PTPRK: variants seen among roughly 807,000 people sequenced by gnomAD.
The protein encoded by PTPRK is protein tyrosine phosphatase receptor type K, also known as receptor-type tyrosine-protein phosphatase kappa.
Under a neutral mutation model 178.0 loss-of-function variants are expected in PTPRK, and 75 were observed. The observed-to-expected ratio is 0.42, with a 90% CI of 0.35 to 0.51. The LOEUF (loss-of-function observed/expected upper bound fraction) is 0.51, where lower values mean the gene tolerates loss of function less well. Among genes scored for constraint, PTPRK ranks in the 20% least tolerant of loss-of-function variants. The pLI is 0.02. For missense variants in PTPRK, 1,441 were observed against 1,797.8 expected (o/e 0.80, Z 3.59); for synonymous variants, 637 against 620.6 (o/e 1.03, Z -0.39).
chr6:128,138,235 A>C (rs1795288349), intron 7 of PTPRK, among the ~76,000 whole-genome samples: 1 of 152,282 alleles, frequency 6.6e-6, no homozygotes, highest in Admixed American at 6.5e-5. Flanking sequence ...TGGTCAGAAT[A>C]ATTTCATCAT....
chr6:128,061,197 T>C (rs142210131), intron 13 of PTPRK, among the ~76,000 whole-genome samples: 10 of 152,206 alleles, frequency 6.6e-5, no homozygotes, highest in African/African-American at 2.4e-5. Context: ...CCATACAAAA[T>C]ACAACTTTTT....
chr6:128,084,343 T>TA (rs1785370553), intron 8 of PTPRK, among the ~76,000 whole-genome samples: 2 of 152,164 alleles, frequency 1.3e-5, no homozygotes, highest in Admixed American at 1.3e-4. Context: ...TAGCCAACCT[T>TA]ACTTTTATAG....
chr6:128,272,599 C>A (rs574047244), intron 3 of PTPRK, among the ~76,000 whole-genome samples: 1 of 152,248 alleles, frequency 6.6e-6, no homozygotes, highest in East Asian at 1.9e-4. Context: ...CCAACAGACA[C>A]GTGAAAAAAT....
chr6:128,176,784 G>A (rs910901090), intron 7 of PTPRK, among the ~76,000 whole-genome samples: 1 of 151,694 alleles, frequency 6.6e-6, no homozygotes, highest in Non-Finnish European at 1.5e-5. Context: ...GAGATCCTAA[G>A]CTGATGATTC....
intron 2 of PTPRK, among the ~76,000 whole-genome samples, chr6:128,395,244 CCT>C (rs1840141143): frequency 6.6e-6 from 1 of 152,158 alleles, no homozygotes; most frequent in Non-Finnish European, 1.5e-5. Context: ...CTTTCTCTCA[CCT>C]CTCTGAAGAC....
At chr6:128,190,502 T>A (rs1011599525) in intron 6 of PTPRK, among the ~76,000 whole-genome samples, 3,145 of 134,586 alleles carry the variant, frequency 0.023, 202 homozygotes, top group African/African-American at 0.054. Flanking sequence ...TTTTTTTTTT[T>A]TTTTTTTTTT....
chr6:128,141,400 T>A (rs1795749392), intron 7 of PTPRK, among the ~76,000 whole-genome samples: 1 of 151,808 alleles, frequency 6.6e-6, no homozygotes, highest in Non-Finnish European at 1.5e-5. Flanking sequence ...ATCTTTACCT[T>A]CATAAAAGTT....
intron 7 of PTPRK, among the ~76,000 whole-genome samples, chr6:128,128,546 A>C (rs552261697): frequency 2.6e-5 from 4 of 152,338 alleles, no homozygotes; most frequent in Admixed American, 1.3e-4. Context: ...TTGAGAGCAA[A>C]ATCTGCACAA....
At chr6:128,208,748 C>T (rs937115221) in intron 6 of PTPRK, among the ~76,000 whole-genome samples, 1 of 152,234 alleles carries the variant, frequency 6.6e-6, no homozygotes, top group Non-Finnish European at 1.5e-5. Context: ...TTTCTATGCA[C>T]TAAGCACCTA....
At chr6:128,122,664 GC>G (rs1250553100) in intron 7 of PTPRK, among the ~76,000 whole-genome samples, 1 of 152,094 alleles carries the variant, frequency 6.6e-6, no homozygotes, top group African/African-American at 2.4e-5. Flanking sequence ...ATGACTTTAG[GC>G]AAGTTTCTTC....
Position 128,089,995 on chromosome 6 carries a change from G to GA in PTPRK, c.1163-4dup, listed in dbSNP as rs1291275707. 3.1e-6 allele frequency: 5 copies of GA among 1,588,846 alleles called. No homozygotes were observed. Among genetic ancestry groups the GA allele is most frequent in the Middle Eastern group, 1.7e-4 (1 of 6,036 alleles). On this transcript the variant is annotated splice_region_variant and splice_polypyrimidine_tract_variant and intron_variant, in intron 7 of 29. Transcript: ENST00000368226. ...TGTCTTTGGGGTTCTCATAGGTTCT[G>GA]AAAAATAAATCAGAGTTGTAGACAG...
At chr6:128,061,702 C>CT (rs1780856597) in intron 13 of PTPRK, among the ~76,000 whole-genome samples, 1 of 152,084 alleles carries the variant, frequency 6.6e-6, no homozygotes, top group Non-Finnish European at 1.5e-5. Flanking sequence ...CTGAAAGTGG[C>CT]TTATGTACTG....
intron 7 of PTPRK, among the ~76,000 whole-genome samples, chr6:128,093,658 A>T (rs28409528): frequency 6.6e-6 from 1 of 151,136 alleles, no homozygotes; most frequent in Non-Finnish European, 1.5e-5. Flanking sequence ...AACAAAAAAC[A>T]AAAAAGGAAA....
rs778798001 is a variant in PTPRK at position 128,076,704 on chromosome 6, T to G, written c.1883+2109A>C. Among the ~76,000 whole-genome samples the G allele has an allele frequency of 2.6e-5, 4 of 152,056 alleles. No homozygotes were observed. In the East Asian group the frequency reaches 7.7e-4, roughly 29 times the overall value. Reference sequence around the variant, plus strand: ...AAAATCTTGCCAACAAATACAAAGATGAGTGTTTCTAATTGGTCTTTAGAA... The same window carrying G: ...AAAATCTTGCCAACAAATACAAAGAGGAGTGTTTCTAATTGGTCTTTAGAA... On this transcript the variant is annotated intron_variant, in intron 11 of 29. Coordinates refer to ENST00000368226, the MANE Select transcript of PTPRK (RefSeq NM_002844.4).
In PTPRK at chr6:127,996,921, C is replaced by T. The variant is rs746002316; in HGVS notation, c.2747G>A (p.Arg916Gln). ...CTTACATGCTATAATGTTTCCATAT[C>T]GGTTTTTTGCTCTATTTTGATCTTT... ...AKKDQNRAKN[R>Q]YGNIIAYDHS... The change falls in exon 17 of 30, where the codon CGA becomes CAA. Residue 916 changes from arginine to glutamine, a missense_variant. Arg to Gln is a conservative substitution (Grantham distance 43, BLOSUM62 1). Around this residue, in one of 4 missense-constraint regions of PTPRK, gnomAD observed 945 missense variants for 1,080.6 expected, o/e 0.87. Transcript: ENST00000368226. 5.6e-6 allele frequency: 9 copies of T among 1,610,848 alleles called. No individual in the cohort carries two copies. Among genetic ancestry groups the T allele is most frequent in the Non-Finnish European group, 7.6e-6 (9 of 1,178,350 alleles).
intron 7 of PTPRK, among the ~76,000 whole-genome samples, chr6:128,153,872 C>T (rs549196297): frequency 2.0e-5 from 3 of 151,958 alleles, no homozygotes; most frequent in African/African-American, 7.2e-5. Context: ...GCTAAAAAGG[C>T]TTTTATACTA....
chr6:128,195,565 G>A (rs969328066), intron 6 of PTPRK, among the ~76,000 whole-genome samples: 4 of 151,988 alleles, frequency 2.6e-5, no homozygotes, highest in Non-Finnish European at 5.9e-5. Flanking sequence ...ACAGAGTCAC[G>A]ATGACTTGTC....
At chr6:128,146,887 A>G (rs1796580614) in intron 7 of PTPRK, among the ~76,000 whole-genome samples, 1 of 152,184 alleles carries the variant, frequency 6.6e-6, no homozygotes, top group African/African-American at 2.4e-5. Flanking sequence ...ATACTCAACA[A>G]TTTCACATCT....
intron 3 of PTPRK, among the ~76,000 whole-genome samples, chr6:128,250,517 C>G (rs941117336): frequency 1.3e-5 from 2 of 152,152 alleles, no homozygotes; most frequent in African/African-American, 4.8e-5. Context: ...AGTGGATTAA[C>G]TGTTTTACCT....
Sources: allele counts gnomAD v4.1 joint callset (sites outside exome capture counted in the v4.1 genomes callset), GRCh38; gene constraint gnomAD v4.1.1; regional missense constraint gnomAD v4.1.1; transcripts MANE v1.5; gene names NCBI Gene and HGNC (gene_info 2026-07-23, HGNC 2026-07-21).